Variants in SLC24A2 observed in about 807,000 individuals in gnomAD.
SLC24A2 encodes solute carrier family 24 member 2.
In SLC24A2, 36 loss-of-function variants were observed where a neutral mutation model predicts 62.0. The ratio of observed to expected loss-of-function variants is 0.58; its 90% CI spans 0.44 to 0.77. The LOEUF (loss-of-function observed/expected upper bound fraction) is 0.77, where lower values mean the gene tolerates loss of function less well. Among genes scored for constraint, SLC24A2 ranks in the 30% least tolerant of loss-of-function variants. The pLI is 0.00. For missense variants in SLC24A2, 846 were observed against 817.9 expected, an observed-to-expected ratio of 1.03 and a Z score of -0.42; for synonymous variants, 358 against 294.0, an observed-to-expected ratio of 1.22 and a Z score of -2.23.
intron 2 of SLC24A2, among the ~76,000 whole-genome samples, chr9:19,756,903 C>T (rs1171228163): frequency 5.6e-4 from 44 of 78,510 alleles, no homozygotes; most frequent in South Asian, 6.6e-4. Flanking sequence ...TTTACTGAAG[C>T]TTTTTTTTTT....
At chr9:19,552,813 A>G (rs1834910592) in intron 7 of SLC24A2, among the ~76,000 whole-genome samples, 1 of 152,246 alleles carries the variant, frequency 6.6e-6, no homozygotes, top group Admixed American at 6.5e-5. Context: ...TGCCAAAGTC[A>G]CCAGGCAGGC....
the SLC24A2 span, among the ~76,000 whole-genome samples, chr9:19,828,344 T>A: frequency 6.6e-6 from 1 of 152,190 alleles, no homozygotes; most frequent in Admixed American, 6.5e-5. Context: ...ATCCCAATTA[T>A]TCTGATTTGA....
chr9:19,551,919 T>G (rs1219105386), intron 7 of SLC24A2, among the ~76,000 whole-genome samples: 1 of 152,226 alleles, frequency 6.6e-6, no homozygotes, highest in Non-Finnish European at 1.5e-5. Flanking sequence ...GAAGCCATAT[T>G]GAAAAGGGTT....
chr9:20,095,441 C>T, the SLC24A2 span, among the ~76,000 whole-genome samples: 1 of 152,162 alleles, frequency 6.6e-6, no homozygotes, highest in Non-Finnish European at 1.5e-5. Context: ...ACTGAGTAAA[C>T]CAGATTGCCT....
the SLC24A2 span, among the ~76,000 whole-genome samples, chr9:20,063,393 C>CA: frequency 6.7e-6 from 1 of 149,452 alleles, no homozygotes; most frequent in Non-Finnish European, 1.5e-5. Context: ...ATTGCAAGAA[C>CA]AAAAAACCAA....
intron 2 of SLC24A2, among the ~76,000 whole-genome samples, chr9:19,715,819 C>G (rs1407976142): frequency 6.6e-6 from 1 of 152,162 alleles, no homozygotes; most frequent in Non-Finnish European, 1.5e-5. Flanking sequence ...CAGAAAATAC[C>G]CATGCATTAT....
intron 2 of SLC24A2, among the ~76,000 whole-genome samples, chr9:19,657,364 CT>C (rs768574054): frequency 1.1e-4 from 16 of 152,204 alleles, no homozygotes; most frequent in African/African-American, 3.9e-4. Flanking sequence ...TCTGTGTATT[CT>C]TTTTTTCATG....
the SLC24A2 span, among the ~76,000 whole-genome samples, chr9:19,962,855 T>C: frequency 6.6e-6 from 1 of 152,120 alleles, no homozygotes; most frequent in Non-Finnish European, 1.5e-5. Context: ...TTTATTTCCT[T>C]CTCCTGCCTA....
At chr9:19,918,350 C>T in the SLC24A2 span, among the ~76,000 whole-genome samples, 7 of 142,208 alleles carry the variant, frequency 4.9e-5, no homozygotes, top group Admixed American at 1.4e-4. Flanking sequence ...TTGTTTTGTG[C>T]TATTTGTGTC....
intron 2 of SLC24A2, among the ~76,000 whole-genome samples, chr9:19,636,315 T>TTCC (rs1818326324): frequency 4.2e-4 from 17 of 40,320 alleles, no homozygotes; most frequent in African/African-American, 1.4e-3. Flanking sequence ...TTTTCTTTTC[T>TTCC]TTTCTTTCTT....
chr9:19,636,326 T>TTCTTTC (rs1491476004), intron 2 of SLC24A2, among the ~76,000 whole-genome samples: 1 of 26,874 alleles, frequency 3.7e-5, no homozygotes, highest in Admixed American at 3.9e-4. Context: ...TTTCTTTCTT[T>TTCTTTC]CTTTCTTTCT....
At chr9:19,638,565 TAATATTA>T (rs1184077942) in intron 2 of SLC24A2, among the ~76,000 whole-genome samples, 1 of 152,200 alleles carries the variant, frequency 6.6e-6, no homozygotes, top group Non-Finnish European at 1.5e-5. Context: ...TTTTTATTTC[TAATATTA>T]AATATTAAAA....
At chr9:20,050,719 T>C in the SLC24A2 span, among the ~76,000 whole-genome samples, 2 of 152,162 alleles carry the variant, frequency 1.3e-5, no homozygotes, top group Non-Finnish European at 2.9e-5. Flanking sequence ...AATAAGCAAA[T>C]ATTGGAGTCT....
the SLC24A2 span, among the ~76,000 whole-genome samples, chr9:20,262,509 C>G: frequency 1.3e-5 from 2 of 152,216 alleles, no homozygotes; most frequent in South Asian, 2.1e-4. Context: ...CTTTGCTGGC[C>G]ACTGGCACCT....
At chr9:20,184,407 G>A in the SLC24A2 span, among the ~76,000 whole-genome samples, 2 of 151,910 alleles carry the variant, frequency 1.3e-5, no homozygotes, top group East Asian at 1.9e-4. Context: ...AAAATTAGCC[G>A]GTATGCTGGT....
At chr9:19,944,600 A>T in the SLC24A2 span, among the ~76,000 whole-genome samples, 2 of 152,154 alleles carry the variant, frequency 1.3e-5, no homozygotes, top group Non-Finnish European at 2.9e-5. Flanking sequence ...GTATTTCAAG[A>T]CGTAAACGCC....
the SLC24A2 span, among the ~76,000 whole-genome samples, chr9:19,943,546 C>T: frequency 6.6e-6 from 1 of 152,036 alleles, no homozygotes. Context: ...TGCAACTGCC[C>T]AAAATGCACT....
chr9:19,826,336 G>A, the SLC24A2 span, among the ~76,000 whole-genome samples: 1 of 152,124 alleles, frequency 6.6e-6, no homozygotes, highest in African/African-American at 2.4e-5. Flanking sequence ...GCACTAGAGT[G>A]AATGGGATAT....
the SLC24A2 span, among the ~76,000 whole-genome samples, chr9:20,028,054 G>A: frequency 6.6e-6 from 1 of 152,178 alleles, no homozygotes; most frequent in Admixed American, 6.5e-5. Context: ...AAGCTGTGCA[G>A]GGGAGACCCC....
Sources: allele counts gnomAD v4.1 joint callset (sites outside exome capture counted in the v4.1 genomes callset), GRCh38; gene constraint gnomAD v4.1.1; transcripts MANE v1.5; gene names NCBI Gene and HGNC (gene_info 2026-07-23, HGNC 2026-07-21).